Variants in MDFIC observed in about 807,000 individuals in gnomAD.
MDFIC encodes MyoD family inhibitor domain containing.
Under a neutral mutation model 23.2 loss-of-function variants are expected in MDFIC, and 17 were observed. The ratio of observed to expected loss-of-function variants is 0.73; its 90% CI spans 0.50 to 1.10. The LOEUF (loss-of-function observed/expected upper bound fraction) is 1.10, where lower values mean the gene tolerates loss of function less well. Among genes scored for constraint, MDFIC ranks in the 50% least tolerant of loss-of-function variants. The pLI is 0.00. For synonymous variants in MDFIC, 120 were observed against 115.2 expected, an observed-to-expected ratio of 1.04 and a Z score of -0.27; for missense variants, 356 against 316.6, an observed-to-expected ratio of 1.12 and a Z score of -0.95.
chr7:115,006,007 C>A (rs1363823524), intron 4 of MDFIC, among the ~76,000 whole-genome samples: 1 of 152,198 alleles, frequency 6.6e-6, no homozygotes. Flanking sequence ...TCTTGCCTGG[C>A]CTGTTAGACC....
chr7:114,989,647 C>T (rs1328398526), intron 4 of MDFIC, among the ~76,000 whole-genome samples: 1 of 152,172 alleles, frequency 6.6e-6, no homozygotes, highest in African/African-American at 2.4e-5. Flanking sequence ...GAGAATTGAG[C>T]AACCAGAGAA....
intron 3 of MDFIC, among the ~76,000 whole-genome samples, chr7:114,965,413 G>GT (rs1793076635): frequency 6.6e-6 from 1 of 152,278 alleles, no homozygotes; most frequent in East Asian, 1.9e-4. Context: ...TTTTAGAAAT[G>GT]TATTTTTGGT....
intron 2 of MDFIC, among the ~76,000 whole-genome samples, chr7:114,937,203 G>A (rs187108551): frequency 1.3e-5 from 2 of 152,258 alleles, no homozygotes; most frequent in Non-Finnish European, 2.9e-5. Flanking sequence ...ATTGAGATTG[G>A]AGAAGATTGT....
At chr7:114,974,435 C>T (rs974293996) in intron 3 of MDFIC, among the ~76,000 whole-genome samples, 3 of 152,054 alleles carry the variant, frequency 2.0e-5, no homozygotes, top group Non-Finnish European at 4.4e-5. Context: ...AAGTCATTTT[C>T]CCCCTCCATA....
chr7:114,997,704 T>C (rs1791364659), intron 4 of MDFIC, among the ~76,000 whole-genome samples: 2 of 148,784 alleles, frequency 1.3e-5, no homozygotes, highest in South Asian at 4.2e-4. Flanking sequence ...GCTATGGTTG[T>C]GCCACTGCAC....
intron 3 of MDFIC, among the ~76,000 whole-genome samples, chr7:114,969,299 T>C (rs1157210231): frequency 6.6e-6 from 1 of 152,184 alleles, no homozygotes; most frequent in African/African-American, 2.4e-5. Context: ...CTTGATTTAT[T>C]CAGGAAGGTT....
chr7:115,000,941 C>G (rs1171320588), intron 4 of MDFIC, among the ~76,000 whole-genome samples: 1 of 152,052 alleles, frequency 6.6e-6, no homozygotes, highest in Non-Finnish European at 1.5e-5. Flanking sequence ...GCAAATCTTC[C>G]CATGGGATTT....
At chr7:114,936,678 A>G (rs1249948394) in intron 2 of MDFIC, among the ~76,000 whole-genome samples, 2 of 152,204 alleles carry the variant, frequency 1.3e-5, no homozygotes, top group Non-Finnish European at 2.9e-5. Context: ...ACGTTTCTAC[A>G]CTGGGTGGGA....
chr7:114,985,734 G>T (rs78927543), intron 4 of MDFIC, among the ~76,000 whole-genome samples: 4,882 of 151,428 alleles, frequency 0.032, 171 homozygotes, highest in South Asian at 0.094. Flanking sequence ...CAAACAGTTT[G>T]CTGTTGTTGA....
chr7:114,931,254 CTA>C (rs1333420160), intron 2 of MDFIC, among the ~76,000 whole-genome samples: 2 of 152,186 alleles, frequency 1.3e-5, no homozygotes, highest in Non-Finnish European at 2.9e-5. Context: ...TAAGTAGAAA[CTA>C]TGAGAAGAGT....
intron 4 of MDFIC, among the ~76,000 whole-genome samples, chr7:115,009,922 C>G (rs1417280309): frequency 6.6e-6 from 1 of 152,306 alleles, no homozygotes; most frequent in East Asian, 1.9e-4. Flanking sequence ...GAGTTCTCCT[C>G]CAAGTACACT....
intron 3 of MDFIC, among the ~76,000 whole-genome samples, chr7:114,950,329 G>T (rs1279468428): frequency 1.3e-5 from 2 of 152,160 alleles, no homozygotes; most frequent in Non-Finnish European, 2.9e-5. Flanking sequence ...GGAATGACAG[G>T]TGCTGAGAAT....
At chr7:114,954,355 C>T in intron 3 of MDFIC, among the ~76,000 whole-genome samples, 1 of 152,238 alleles carries the variant, frequency 6.6e-6, no homozygotes, top group East Asian at 1.9e-4. Flanking sequence ...TGCAAATGAT[C>T]TTTCATGATC....
chr7:114,956,195 T>A (rs908749634), intron 3 of MDFIC, among the ~76,000 whole-genome samples: 2 of 152,174 alleles, frequency 1.3e-5, no homozygotes, highest in Non-Finnish European at 2.9e-5. Context: ...ACTGCTCTTT[T>A]ACCACTAGTA....
At chr7:114,923,187 C>T (rs1460946114) in intron 2 of MDFIC, 60 bp downstream of exon 2, 23 of 1,521,384 alleles carry the variant, frequency 1.5e-5, no homozygotes, top group Non-Finnish European at 1.8e-5. Context: ...TCAGTTTGCT[C>T]ACAAGTGCAC....
At chr7:115,012,981 A>T (rs1425207686) in intron 4 of MDFIC, among the ~76,000 whole-genome samples, 1 of 152,146 alleles carries the variant, frequency 6.6e-6, no homozygotes, top group Non-Finnish European at 1.5e-5. Flanking sequence ...TCTGTCTCAA[A>T]AAAGAAAAAT....
chr7:114,987,524 C>T (rs968542542), intron 4 of MDFIC, among the ~76,000 whole-genome samples: 5 of 152,156 alleles, frequency 3.3e-5, no homozygotes, highest in African/African-American at 1.2e-4. Context: ...TCTGTTTTCT[C>T]AGGCGCAGTG....
chr7:114,951,486 A>G (rs1792769061), intron 3 of MDFIC, among the ~76,000 whole-genome samples: 1 of 152,250 alleles, frequency 6.6e-6, no homozygotes, highest in Non-Finnish European at 1.5e-5. Flanking sequence ...ATAGATACAT[A>G]TGTATATGAA....
At chr7:114,987,586 C>A (rs917029286) in intron 4 of MDFIC, among the ~76,000 whole-genome samples, 2 of 152,152 alleles carry the variant, frequency 1.3e-5, no homozygotes, top group African/African-American at 4.8e-5. Context: ...TAGAATTCTG[C>A]TTTCCAATGC....
Sources: allele counts gnomAD v4.1 joint callset (sites outside exome capture counted in the v4.1 genomes callset), GRCh38; gene constraint gnomAD v4.1.1; transcripts MANE v1.5; gene names NCBI Gene and HGNC (gene_info 2026-07-23, HGNC 2026-07-21).